The following CALN1 variants were observed in gnomAD, a reference collection of about 807,000 sequenced individuals.
CALN1 encodes the protein calcium-binding protein 8.
Under a neutral mutation model 30.6 loss-of-function variants are expected in CALN1, and 17 were observed. The ratio of observed to expected loss-of-function variants is 0.56; its 90% CI spans 0.38 to 0.83. CALN1 has a LOEUF of 0.83. Ranked by LOEUF, CALN1 falls within the 40% of genes least tolerant of loss-of-function variation. The pLI, the probability that CALN1 is intolerant of heterozygous loss-of-function variation, is 0.00. For synonymous variants in CALN1, 156 were observed against 131.4 expected (o/e 1.19, Z -1.28); for missense variants, 291 against 354.9 (o/e 0.82, Z 1.45).
At chr7:72,409,756 G>T (rs1029127842) in intron 1 of CALN1, among the ~76,000 whole-genome samples, 1 of 152,078 alleles carries the variant, frequency 6.6e-6, no homozygotes, top group Non-Finnish European at 1.5e-5. Context: ...GGACCCCATG[G>T]AACAGTGGTT....
chr7:72,320,472 G>A (rs117126278), intron 2 of CALN1, among the ~76,000 whole-genome samples: 6 of 152,242 alleles, frequency 3.9e-5, no homozygotes, highest in East Asian at 3.9e-4. Context: ...AAAGAGCCAC[G>A]GTCCTGGGAC....
chr7:72,254,216 T>C (rs1795757836), intron 3 of CALN1, among the ~76,000 whole-genome samples: 1 of 152,192 alleles, frequency 6.6e-6, no homozygotes, highest in Non-Finnish European at 1.5e-5. Flanking sequence ...TAGAATCTTG[T>C]GATGAAGTCT....
chr7:71,917,995 T>C (rs1015160691), intron 5 of CALN1, among the ~76,000 whole-genome samples: 4 of 152,240 alleles, frequency 2.6e-5, no homozygotes, highest in African/African-American at 9.6e-5. Flanking sequence ...TTAGGGTCGA[T>C]GGCATGCATT....
At chr7:72,212,947 G>T (rs981700019) in intron 3 of CALN1, among the ~76,000 whole-genome samples, 1 of 152,218 alleles carries the variant, frequency 6.6e-6, no homozygotes, top group Non-Finnish European at 1.5e-5. Context: ...ATCCTTGAGA[G>T]AAACTTTTGA....
intron 3 of CALN1, among the ~76,000 whole-genome samples, chr7:72,205,017 C>T (rs1226967325): frequency 6.6e-6 from 1 of 152,050 alleles, no homozygotes; most frequent in African/African-American, 2.4e-5. Flanking sequence ...TGGATATCTA[C>T]TTTTTCTGTC....
chr7:72,368,188 T>C (rs958782581), intron 2 of CALN1, among the ~76,000 whole-genome samples: 1 of 150,904 alleles, frequency 6.6e-6, no homozygotes, highest in African/African-American at 2.4e-5. Context: ...TGTGTATCTG[T>C]ATATATATAT....
At chr7:72,393,745 T>C (rs1805738032) in intron 2 of CALN1, among the ~76,000 whole-genome samples, 1 of 144,856 alleles carries the variant, frequency 6.9e-6, no homozygotes. Context: ...CATAGAGCTT[T>C]TTTTTTTTTT....
intron 2 of CALN1, among the ~76,000 whole-genome samples, chr7:72,327,556 T>G (rs957925199): frequency 7.2e-5 from 11 of 152,204 alleles, no homozygotes; most frequent in Admixed American, 7.2e-4. Context: ...GAATAATACT[T>G]AGTTGTAACA....
chr7:72,202,215 G>A lies in CALN1; in HGVS notation c.244+76471C>T, dbSNP rs115828192. On this transcript the variant is annotated intron_variant, in intron 3 of 6. Transcript: ENST00000395275. ...TTTATCAGCAAGACTGATACCGCAG[G>A]AAAATCAAATCAGTGATATTAAGAA... Among the ~76,000 whole-genome samples the A allele has an allele frequency of 8.4e-3, 1,279 of 152,150 alleles. 13 individuals are homozygous for A. The highest frequency in any genetic ancestry group is 0.029 in the African/African-American group (1,214 of 41,502).
upstream of CALN1, among the ~76,000 whole-genome samples, chr7:72,414,123 G>A (rs376403724): frequency 6.6e-6 from 1 of 152,094 alleles, no homozygotes; most frequent in Non-Finnish European, 1.5e-5. Context: ...GTATGAGACG[G>A]ATTCACTCAT....
intron 2 of CALN1, among the ~76,000 whole-genome samples, chr7:72,358,293 T>C (rs540631391): frequency 6.6e-6 from 1 of 152,118 alleles, no homozygotes; most frequent in African/African-American, 2.4e-5. Context: ...CTACCACGCC[T>C]AGCCTTGGAT....
intron 6 of CALN1, among the ~76,000 whole-genome samples, chr7:71,790,197 A>G (rs1793248622): frequency 1.3e-5 from 2 of 151,382 alleles, no homozygotes; most frequent in African/African-American, 4.9e-5. Flanking sequence ...AGAGAAAGAG[A>G]GAAACAAAGA....
At chr7:72,370,772 G>A in intron 2 of CALN1, among the ~76,000 whole-genome samples, 1 of 151,750 alleles carries the variant, frequency 6.6e-6, no homozygotes, top group Non-Finnish European at 1.5e-5. Context: ...CTCTTGGCTG[G>A]GCATGGGCTC....
At chr7:71,968,762 T>C (rs1797650275) in intron 5 of CALN1, among the ~76,000 whole-genome samples, 1 of 147,810 alleles carries the variant, frequency 6.8e-6, no homozygotes, top group Admixed American at 6.7e-5. Flanking sequence ...TACATAGAAG[T>C]GGCTGGCTGT....
chr7:71,978,644 G>C lies in CALN1; in HGVS notation c.501+45013C>G, dbSNP rs368982318. ...CAGCTGTGGCTCCAGGTGTTGTCAC[G>C]AGACCTATTGTTGACAGGCTTTTGC... On this transcript the variant is annotated intron_variant, in intron 5 of 6. Transcript: ENST00000395275. Among the ~76,000 whole-genome samples, 51 of 152,144 alleles carry C rather than the reference G, an allele frequency of 3.4e-4. 1 individual carries two copies. Among genetic ancestry groups the C allele is most frequent in the Non-Finnish European group, 5.9e-4 (40 of 68,028 alleles).
chr7:71,827,503 G>C (rs1365074537), intron 5 of CALN1, among the ~76,000 whole-genome samples: 1 of 152,156 alleles, frequency 6.6e-6, no homozygotes, highest in Non-Finnish European at 1.5e-5. Flanking sequence ...GGGCATGGTG[G>C]CTCACGCCTG....
chr7:72,410,814 T>C (rs989673051), intron 1 of CALN1, among the ~76,000 whole-genome samples: 1 of 152,136 alleles, frequency 6.6e-6, no homozygotes, highest in Non-Finnish European at 1.5e-5. Flanking sequence ...ACCTTCTTAC[T>C]TTCCAAGAAG....
At chr7:72,137,425 T>C (rs144719310) in intron 3 of CALN1, among the ~76,000 whole-genome samples, 2 of 152,308 alleles carry the variant, frequency 1.3e-5, no homozygotes, top group Non-Finnish European at 2.9e-5. Flanking sequence ...GATTGAAATA[T>C]TTGTTGGAAT....
At chr7:71,976,995 C>CT (rs1798132477) in intron 5 of CALN1, among the ~76,000 whole-genome samples, 2 of 152,154 alleles carry the variant, frequency 1.3e-5, no homozygotes, top group South Asian at 4.1e-4. Context: ...CCACCCGAAC[C>CT]TTTTCTAATA....
Sources: gnomAD v4.1 joint callset for allele counts (sites outside exome capture counted in the v4.1 genomes callset) on GRCh38, gnomAD v4.1.1 for gene constraint, MANE v1.5 for transcripts, NCBI Gene and HGNC (gene_info 2026-07-23, HGNC 2026-07-21) for gene names.